The following MTHFD2L variants were observed in gnomAD, a reference collection of about 807,000 sequenced individuals.
The protein encoded by MTHFD2L is methylenetetrahydrofolate dehydrogenase (NADP+ dependent) 2 like.
MTHFD2L carries 29 observed loss-of-function variants against 34.9 expected under a neutral mutation model. The observed-to-expected ratio is 0.83, with a 90% CI of 0.62 to 1.13. The LOEUF is 1.13. Ranked by LOEUF, MTHFD2L falls within the 50% of genes most tolerant of loss-of-function variation. The pLI, the probability that MTHFD2L is intolerant of heterozygous loss-of-function variation, is 0.00. For synonymous variants in MTHFD2L, 167 were observed against 155.7 expected (o/e 1.07, Z -0.54); for missense variants, 481 against 446.5 (o/e 1.08, Z -0.70).
intron 6 of MTHFD2L, among the ~76,000 whole-genome samples, chr4:74,279,015 C>T (rs1277508601): frequency 2.6e-5 from 4 of 152,024 alleles, no homozygotes; most frequent in African/African-American, 9.7e-5. Flanking sequence ...CTACATTTTT[C>T]CATTCATAAC....
At chr4:74,144,763 C>A (rs953272388) in intron 1 of MTHFD2L, among the ~76,000 whole-genome samples, 5 of 152,108 alleles carry the variant, frequency 3.3e-5, no homozygotes, top group African/African-American at 1.2e-4. Flanking sequence ...CTGTACATTT[C>A]ATTTTTTATA....
intron 7 of MTHFD2L, among the ~76,000 whole-genome samples, chr4:74,292,944 C>G (rs1749142947): frequency 6.6e-6 from 1 of 152,036 alleles, no homozygotes; most frequent in Non-Finnish European, 1.5e-5. Flanking sequence ...AGGTGACTGA[C>G]ATGCTATTTG....
Position 74,169,158 on chromosome 4 carries a change from T to G in MTHFD2L, c.144-5348T>G, listed in dbSNP as rs753969658. Among the ~76,000 whole-genome samples, 67 of 152,238 alleles carry G rather than the reference T, an allele frequency of 4.4e-4. 2 individuals are homozygous for G. Among genetic ancestry groups the G allele is most frequent in the Non-Finnish European group, 5.9e-5 (4 of 68,042 alleles). ...AACACCAGCTAGCCAGGCTGTATCA[T>G]GTCTGCTGTAATTAGTTAGCGAGCT... On this transcript the variant is annotated intron_variant, in intron 1 of 7. Transcript: ENST00000325278.
chr4:74,274,327 CCTTAAAAAGGGCTT>C (rs1746350252), intron 6 of MTHFD2L, among the ~76,000 whole-genome samples: 1 of 152,106 alleles, frequency 6.6e-6, no homozygotes, highest in African/African-American at 2.4e-5. Context: ...TCAAAGGATT[CCTTAAAAAGGGCTT>C]CTTATTCATA....
chr4:74,175,189 C>A, intron 2 of MTHFD2L, 92 bp from the exon 3 acceptor site: 1 of 1,339,026 alleles, frequency 7.5e-7, no homozygotes. Flanking sequence ...CCTTTCACGG[C>A]AGTAGGAACA....
intron 3 of MTHFD2L, among the ~76,000 whole-genome samples, chr4:74,180,430 T>G (rs1303703765): frequency 2.0e-5 from 3 of 152,152 alleles, no homozygotes; most frequent in African/African-American, 7.2e-5. Flanking sequence ...ATAATTTGGT[T>G]AGTAAATGTG....
chr4:74,232,361 G>T (rs1013456985), intron 6 of MTHFD2L, among the ~76,000 whole-genome samples: 1 of 152,120 alleles, frequency 6.6e-6, no homozygotes, highest in Non-Finnish European at 1.5e-5. Flanking sequence ...TGAGAGGGGA[G>T]ATAGGGAAGG....
rs115254909 is a variant in MTHFD2L, at chr4:74,282,680, G to A, written c.931+1130G>A. ...TAAGGACACATATGTGCAACAATGC[G>A]TTCTAGAGACAAAATGGTGTAAATA... On this transcript the variant is annotated intron_variant, in intron 7 of 7. Coordinates refer to ENST00000325278, the MANE Select transcript of MTHFD2L (RefSeq NM_001144978.3). Among the ~76,000 whole-genome samples the A allele has an allele frequency of 3.5e-3, 531 of 152,184 alleles. 2 individuals carry two copies. The highest frequency in any genetic ancestry group is 6.3e-3 in the Non-Finnish European group (426 of 67,990).
intron 6 of MTHFD2L, among the ~76,000 whole-genome samples, chr4:74,245,635 A>G (rs998700992): frequency 8.6e-5 from 13 of 150,584 alleles, no homozygotes; most frequent in African/African-American, 2.9e-4. Flanking sequence ...TCCTCCCCCT[A>G]CCCCACAACA....
chr4:74,197,690 T>C (rs1288403214), intron 3 of MTHFD2L, among the ~76,000 whole-genome samples: 2 of 152,198 alleles, frequency 1.3e-5, no homozygotes, highest in Non-Finnish European at 2.9e-5. Flanking sequence ...AGATTGACTC[T>C]AACTCCTTGA....
intron 3 of MTHFD2L, among the ~76,000 whole-genome samples, chr4:74,177,809 C>T (rs549913847): frequency 5.9e-5 from 9 of 152,010 alleles, no homozygotes; most frequent in African/African-American, 2.2e-4. Flanking sequence ...TAAAGTAATG[C>T]TGCACATTGC....
chr4:74,276,970 A>G (rs1043714491), intron 6 of MTHFD2L, among the ~76,000 whole-genome samples: 6 of 152,076 alleles, frequency 3.9e-5, no homozygotes, highest in Admixed American at 1.3e-4. Context: ...TGTTTAAATC[A>G]TAGAATTGAA....
chr4:74,139,227 T>C (rs1187929758), intron 1 of MTHFD2L, among the ~76,000 whole-genome samples: 3 of 152,158 alleles, frequency 2.0e-5, no homozygotes, highest in Non-Finnish European at 4.4e-5. Context: ...TAGAAAAAGA[T>C]TAGGAGGACC....
At chr4:74,166,863 A>G (rs1726825774) in intron 1 of MTHFD2L, among the ~76,000 whole-genome samples, 1 of 151,986 alleles carries the variant, frequency 6.6e-6, no homozygotes, top group African/African-American at 2.4e-5. Context: ...AGGGACCCAA[A>G]CTCTGCACCC....
At chr4:74,288,077 T>G (rs1748422708) in intron 7 of MTHFD2L, among the ~76,000 whole-genome samples, 1 of 152,198 alleles carries the variant, frequency 6.6e-6, no homozygotes, top group Admixed American at 6.5e-5. Flanking sequence ...TTTCCTCTTC[T>G]TAGAAGGTTG....
At chr4:74,192,537 G>T (rs1306161906) in intron 3 of MTHFD2L, among the ~76,000 whole-genome samples, 2 of 151,992 alleles carry the variant, frequency 1.3e-5, no homozygotes, top group Non-Finnish European at 2.9e-5. Flanking sequence ...CATCTTATAT[G>T]TATTATTCCA....
intron 6 of MTHFD2L, among the ~76,000 whole-genome samples, chr4:74,270,835 G>T (rs1156448219): frequency 1.3e-5 from 2 of 151,906 alleles, no homozygotes; most frequent in Non-Finnish European, 2.9e-5. Flanking sequence ...AGCACCTGTT[G>T]TTTCCTGACT....
intron 6 of MTHFD2L, among the ~76,000 whole-genome samples, chr4:74,242,798 G>C (rs975342221): frequency 4.6e-5 from 7 of 152,160 alleles, no homozygotes; most frequent in Admixed American, 2.0e-4. Flanking sequence ...TTATAGTTAT[G>C]TTGGTCACAT....
At chr4:74,225,277 T>C in intron 5 of MTHFD2L, 25 bp from the exon 6 acceptor site, 2 of 1,573,712 alleles carry the variant, frequency 1.3e-6, no homozygotes, top group Non-Finnish European at 1.7e-6. Context: ...CAGTAATCAC[T>C]GATAGAAATT....
Sources: gnomAD v4.1 joint callset for allele counts (sites outside exome capture counted in the v4.1 genomes callset) on GRCh38, gnomAD v4.1.1 for gene constraint, MANE v1.5 for transcripts, NCBI Gene and HGNC (gene_info 2026-07-23, HGNC 2026-07-21) for gene names.